The following ABL1 variants were observed in gnomAD, a reference collection of about 807,000 sequenced individuals.
ABL1 encodes the protein tyrosine-protein kinase ABL1.
In ABL1, 11 loss-of-function variants were observed where a neutral mutation model predicts 94.7. The observed-to-expected ratio is 0.12, with a 90% CI of 0.07 to 0.19. The LOEUF is 0.19. Among genes scored for constraint, ABL1 ranks in the 10% least tolerant of loss-of-function variants. The pLI is 1.00. For missense variants in ABL1, 1,082 were observed against 1,489.4 expected (o/e 0.73, Z 4.50); for synonymous variants, 656 against 622.4 (o/e 1.05, Z -0.80).
At chr9:130,857,402 A>G (rs934455931) in intron 3 of ABL1, among the ~76,000 whole-genome samples, 1 of 152,242 alleles carries the variant, frequency 6.6e-6, no homozygotes, top group Non-Finnish European at 1.5e-5. Flanking sequence ...GCATCTCATT[A>G]TGTTGAATAT....
At chr9:130,802,229 G>A (rs1410455519) in intron 1 of ABL1, among the ~76,000 whole-genome samples, 1 of 151,682 alleles carries the variant, frequency 6.6e-6, no homozygotes, top group Non-Finnish European at 1.5e-5. Flanking sequence ...GAGTAGCTGG[G>A]ACCACAGGCA....
At chr9:130,759,279 A>G (rs2789763) in intron 1 of ABL1, among the ~76,000 whole-genome samples, 43,136 of 151,942 alleles carry the variant, frequency 0.28, 8,167 homozygotes, top group East Asian at 0.54. Flanking sequence ...TGATCTCCCA[A>G]CTGGTCGTTG....
chr9:130,886,220 G>T lies in ABL1; in HGVS notation c.*537G>T, dbSNP rs1001189213. 1.3e-5 allele frequency: 3 copies of T among 239,064 alleles called. No homozygotes were observed. The highest frequency in any genetic ancestry group is 2.2e-5 in the African/African-American group (1 of 45,412). 14.8% of individuals were successfully genotyped at this position (239,064 alleles called of 1,614,324 possible). A position where few individuals can be genotyped will look rare whatever the true frequency, so the allele number is the denominator to read the frequency against. On this transcript the variant is annotated 3_prime_UTR_variant, in exon 11 of 11. Coordinates refer to ENST00000318560, the MANE Select transcript of ABL1 (RefSeq NM_005157.6). Reference sequence around the variant, plus strand: ...CGCATTTCGGGAAGGGCATGCACGGGCATGCACACGGCTGGTCACTCTGCC... The same window carrying T: ...CGCATTTCGGGAAGGGCATGCACGGTCATGCACACGGCTGGTCACTCTGCC...
In ABL1 at chr9:130,884,760, G is replaced by A. The variant is rs376162814; in HGVS notation, c.2470G>A (p.Val824Met). 202 of 1,612,126 alleles carry A rather than the reference G, an allele frequency of 1.3e-4. 3 individuals are homozygous for A. The South Asian group carries it at 1.3e-3, about 11-fold the overall frequency. ...AAAACCCCTCCGGCGGCAGGTCACC[G>A]TGGCCCCTGCCTCGGGCCTCCCCCA... ...TPKPLRRQVTVAPASGLPHKE... is the reference protein window; with the variant it reads ...TPKPLRRQVTMAPASGLPHKE... The change falls in exon 11 of 11, where the codon GTG becomes ATG. Residue 824 changes from valine to methionine, a missense_variant. Physicochemically the swap from Val to Met is conservative, Grantham distance 21. This residue lies in a region of ABL1 where 780 missense variants were observed against 835.8 expected (regional missense o/e 0.93). Transcript: ENST00000318560. This position sits in a 1 kb window ranked among gnomAD's most constrained non-coding sequence, Gnocchi z 5.6.
chr9:130,814,961 T>C lies in ABL1; in HGVS notation c.137-39103T>C, dbSNP rs984710596. 1.3e-5 allele frequency among the ~76,000 whole-genome samples: 2 copies of C among 152,112 alleles called. No individual in the cohort carries two copies. Among genetic ancestry groups the C allele is most frequent in the Admixed American group, 6.6e-5 (1 of 15,264 alleles). ...AAATAAAATTTAGTAAAAATAAAGC[T>C]GATTCTAAAATGCATGTGCAACAGA... On this transcript the variant is annotated intron_variant, in intron 1 of 10. Coordinates refer to the ABL1 transcript ENST00000372348. The surrounding 1 kb of genome is among the most constrained non-coding windows in gnomAD (Gnocchi z 4.4).
chr9:130,735,957 A>ATTTT (rs1238756333), intron 1 of ABL1, among the ~76,000 whole-genome samples: 2 of 43,838 alleles, frequency 4.6e-5, no homozygotes, highest in African/African-American at 2.4e-4. Context: ...ATATATATAT[A>ATTTT]TATATTTTTT....
At chr9:130,746,261 T>A (rs1224575617) in intron 1 of ABL1, among the ~76,000 whole-genome samples, 1 of 151,394 alleles carries the variant, frequency 6.6e-6, no homozygotes, top group Non-Finnish European at 1.5e-5. Context: ...TTTTGGGGGG[T>A]AGGTTTTCCT....
upstream of ABL1, among the ~76,000 whole-genome samples, chr9:130,831,157 T>A (rs1830490304): frequency 6.6e-6 from 1 of 152,190 alleles, no homozygotes; most frequent in Admixed American, 6.6e-5. Flanking sequence ...TACCTCAAGA[T>A]CTTTGCTGTT....
chr9:130,797,617 C>T (rs1440781704), intron 1 of ABL1, among the ~76,000 whole-genome samples: 2 of 152,140 alleles, frequency 1.3e-5, no homozygotes, highest in African/African-American at 4.8e-5. Context: ...TCAAGTGATC[C>T]GCCCTCCTCA....
At chr9:130,853,975 A>G (rs1002784794) in intron 1 of ABL1, 89 bp from the exon 2 acceptor site, 7 of 1,356,942 alleles carry the variant, frequency 5.2e-6, no homozygotes, top group Non-Finnish European at 7.1e-6. Flanking sequence ...TTGGAAACAC[A>G]AATATTTTTG....
At chr9:130,771,408 T>C (rs1006930102) in intron 1 of ABL1, among the ~76,000 whole-genome samples, 2 of 152,192 alleles carry the variant, frequency 1.3e-5, no homozygotes, top group Non-Finnish European at 2.9e-5. Context: ...AGTAGGGTCC[T>C]GTCATTTTAT....
Position 130,826,350 on chromosome 9 carries a change from A to G in ABL1, c.137-27714A>G, listed in dbSNP as rs535545316. On this transcript the variant is annotated intron_variant, in intron 1 of 10. Coordinates refer to the ABL1 transcript ENST00000372348. ...TGGCCAGGCTGGTCTCAAACTCTTG[A>G]GCTCAAACGATCTACCTGCCTTGGC... 3.7e-4 allele frequency among the ~76,000 whole-genome samples: 56 copies of G among 151,980 alleles called. 1 individual carries two copies. Among genetic ancestry groups the G allele is most frequent in the Middle Eastern group, 3.4e-3 (1 of 294 alleles).
intron 1 of ABL1, chr9:130,714,530 A>G (rs532612633): frequency 1.8e-5 from 29 of 1,581,072 alleles, no homozygotes; most frequent in Middle Eastern, 3.3e-4. Context: ...ACTTTGAACA[A>G]CAGTACTTGC....
rs573602038 is a variant in ABL1, at chr9:130,735,961, A to ATATATATTTTTTT, written c.136+21507_136+21508insATATATTTTTTTT. 5.3e-3 allele frequency among the ~76,000 whole-genome samples: 503 copies of ATATATATTTTTTT among 94,708 alleles called. 13 individuals are homozygous for ATATATATTTTTTT. Among genetic ancestry groups the ATATATATTTTTTT allele is most frequent in the East Asian group, 0.02 (48 of 2,440 alleles). The allele number at this position is 94,708 out of a possible 152,430, so 62.1% of individuals were successfully genotyped here. On this transcript the variant is annotated intron_variant, in intron 1 of 10. Coordinates refer to the ABL1 transcript ENST00000372348. ...TATATATATATATATATATATATAT[A>ATATATATTTTTTT]TTTTTTTTTTTTAAGACAGGGTCTG...
chr9:130,721,105 G>A (rs1047330057), intron 1 of ABL1, among the ~76,000 whole-genome samples: 1 of 152,020 alleles, frequency 6.6e-6, no homozygotes, highest in Non-Finnish European at 1.5e-5. Context: ...TAGGCCGGGC[G>A]CTGTGACTCA....
intron 1 of ABL1, among the ~76,000 whole-genome samples, chr9:130,792,555 T>C (rs1829923496): frequency 6.6e-6 from 1 of 152,070 alleles, no homozygotes; most frequent in Non-Finnish European, 1.5e-5. Context: ...CCTGGGACCC[T>C]GAATGGCACA....
chr9:130,859,856 T>C (rs1293414242), intron 3 of ABL1, among the ~76,000 whole-genome samples: 4 of 151,894 alleles, frequency 2.6e-5, no homozygotes, highest in South Asian at 4.2e-4. Flanking sequence ...AATTTTTGTA[T>C]TTTTAGTAGA....
intron 1 of ABL1, among the ~76,000 whole-genome samples, chr9:130,851,969 G>T (rs374887300): frequency 1.2e-3 from 184 of 151,754 alleles, no homozygotes; most frequent in African/African-American, 4.1e-3. Context: ...AGTAGAGATG[G>T]GGTTTTGCCA....
intron 1 of ABL1, among the ~76,000 whole-genome samples, chr9:130,748,128 G>T (rs901403515): frequency 1.3e-5 from 2 of 152,116 alleles, no homozygotes; most frequent in African/African-American, 4.8e-5. Flanking sequence ...TTCCCTGACA[G>T]CTAATGAGGT....
Sources: gnomAD v4.1 joint callset for allele counts (sites outside exome capture counted in the v4.1 genomes callset) on GRCh38, gnomAD v4.1.1 for gene constraint, gnomAD v4.1.1 regional missense constraint, Gnocchi (gnomAD v3.1) non-coding constraint, MANE v1.5 for transcripts, NCBI Gene and HGNC (gene_info 2026-07-23, HGNC 2026-07-21) for gene names.